OCA2: variants seen among roughly 807,000 people sequenced by gnomAD.
OCA2 encodes the protein P protein.
A neutral mutation model predicts 100.2 loss-of-function variants in OCA2; 77 were observed. That is an observed-to-expected ratio of 0.77 (90% CI 0.64 to 0.93). The LOEUF (loss-of-function observed/expected upper bound fraction) is 0.93. Among genes scored for constraint, OCA2 ranks in the 40% least tolerant of loss-of-function variants. The pLI, the probability that OCA2 is intolerant of heterozygous loss-of-function variation, is 0.00. For missense variants in OCA2, 1,062 were observed against 1,089.1 expected (o/e 0.98, Z 0.35); for synonymous variants, 432 against 439.2 (o/e 0.98, Z 0.21).
chr15:27,788,095 A>G (rs2032903807), intron 23 of OCA2, among the ~76,000 whole-genome samples: 1 of 152,056 alleles, frequency 6.6e-6, no homozygotes, highest in Non-Finnish European at 1.5e-5. Context: ...CATACTTTGT[A>G]TAATTTCAGT....
At chr15:27,819,696 T>G (rs2034432761) in intron 23 of OCA2, among the ~76,000 whole-genome samples, 1 of 149,320 alleles carries the variant, frequency 6.7e-6, no homozygotes, top group Admixed American at 6.8e-5. Context: ...TTAGAACTAT[T>G]CATAGACCAA....
At chr15:27,798,762 T>C (rs1279951855) in intron 23 of OCA2, among the ~76,000 whole-genome samples, 1 of 152,244 alleles carries the variant, frequency 6.6e-6, no homozygotes, top group Non-Finnish European at 1.5e-5. Context: ...GATTCCAACA[T>C]TCAAAATAAC....
chr15:27,860,282 A>G (rs2036084040), intron 21 of OCA2, among the ~76,000 whole-genome samples: 1 of 152,198 alleles, frequency 6.6e-6, no homozygotes, highest in Non-Finnish European at 1.5e-5. Context: ...AAAGCATACA[A>G]AAGTGCAAAA....
chr15:27,920,961 T>C (rs1478968045), intron 19 of OCA2, among the ~76,000 whole-genome samples: 1 of 151,844 alleles, frequency 6.6e-6, no homozygotes, highest in African/African-American at 2.4e-5. Context: ...AACCAACATG[T>C]CTGTAATAGG....
chr15:28,024,812 C>T (rs761505379), intron 5 of OCA2, 33 bp downstream of exon 5: 2 of 1,613,292 alleles, frequency 1.2e-6, no homozygotes, highest in Admixed American at 1.7e-5. Flanking sequence ...TCCACGGACC[C>T]AACAGTAGTG....
At chr15:28,008,489 C>T (rs1213661921) in intron 9 of OCA2, among the ~76,000 whole-genome samples, 1 of 152,118 alleles carries the variant, frequency 6.6e-6, no homozygotes, top group African/African-American at 2.4e-5. Flanking sequence ...CTGCCTTTGC[C>T]TCTTTTAAAA....
chr15:28,088,659 CT>C (rs1438086910), intron 1 of OCA2, among the ~76,000 whole-genome samples: 2 of 152,282 alleles, frequency 1.3e-5, no homozygotes, highest in African/African-American at 4.8e-5. Flanking sequence ...GTGATGCCCC[CT>C]GAGCCGTAAA....
At chr15:28,003,517 G>A (rs1464927338) in intron 9 of OCA2, among the ~76,000 whole-genome samples, 1 of 152,212 alleles carries the variant, frequency 6.6e-6, no homozygotes, top group East Asian at 1.9e-4. Flanking sequence ...TTTTGTGGGT[G>A]AGGGGAGTAA....
chr15:27,762,336 C>CG (rs2030906602), intron 23 of OCA2, among the ~76,000 whole-genome samples: 1 of 152,158 alleles, frequency 6.6e-6, no homozygotes, highest in Non-Finnish European at 1.5e-5. Flanking sequence ...TCTGAAGAAA[C>CG]TGAGATAAGC....
the OCA2 span, among the ~76,000 whole-genome samples, chr15:27,728,346 A>G: frequency 6.6e-6 from 1 of 152,212 alleles, no homozygotes; most frequent in African/African-American, 2.4e-5. Context: ...GAGGCAAGAA[A>G]AAAAAATCCT....
intron 19 of OCA2, among the ~76,000 whole-genome samples, chr15:27,912,573 C>A (rs1321130612): frequency 6.6e-6 from 1 of 152,042 alleles, no homozygotes; most frequent in Non-Finnish European, 1.5e-5. Flanking sequence ...CATCCATGAA[C>A]TTTTACAAAT....
chr15:27,950,950 G>C (rs2040005325), intron 18 of OCA2, among the ~76,000 whole-genome samples: 1 of 152,112 alleles, frequency 6.6e-6, no homozygotes, highest in South Asian at 2.1e-4. Flanking sequence ...GAAAACTATG[G>C]GTAAAGCTTT....
intron 9 of OCA2, among the ~76,000 whole-genome samples, chr15:28,006,935 T>C (rs1489204164): frequency 6.6e-6 from 1 of 152,214 alleles, no homozygotes; most frequent in East Asian, 1.9e-4. Flanking sequence ...AAATTAAAAA[T>C]GGAAACTCCC....
intron 9 of OCA2, among the ~76,000 whole-genome samples, chr15:28,003,652 G>A (rs1294189817): frequency 6.7e-6 from 1 of 150,278 alleles, no homozygotes; most frequent in East Asian, 1.9e-4. Context: ...GCAGGGCAGT[G>A]TGCCCCCCGA....
At chr15:27,954,468 T>C (rs1355500966) in intron 17 of OCA2, among the ~76,000 whole-genome samples, 1 of 152,194 alleles carries the variant, frequency 6.6e-6, no homozygotes, top group African/African-American at 2.4e-5. Context: ...ACGATAGATG[T>C]GAGGTGTTCT....
chr15:28,060,891 A>G lies in OCA2; in HGVS notation c.227+20757T>C, dbSNP rs117688342. On this transcript the variant is annotated intron_variant, in intron 2 of 23. Coordinates refer to ENST00000354638, the MANE Select transcript of OCA2 (RefSeq NM_000275.3). ...GGAGCTGTCTGGCAGTACCTTGACT[A>G]CCCCTCTCACAGGTACCATCTGTAT... is the stretch of plus-strand genomic sequence containing the variant. Among the ~76,000 whole-genome samples, 933 of 152,092 alleles carry G rather than the reference A, an allele frequency of 6.1e-3. 2 individuals carry two copies. The highest frequency in any genetic ancestry group is 0.027 in the Middle Eastern group (8 of 294).
intron 23 of OCA2, among the ~76,000 whole-genome samples, chr15:27,815,154 A>C (rs1028945803): frequency 6.6e-6 from 1 of 152,164 alleles, no homozygotes; most frequent in Non-Finnish European, 1.5e-5. Flanking sequence ...ATTGGAGGAC[A>C]TGATTTTAAC....
chr15:28,030,437 G>A (rs1293064527), intron 3 of OCA2, among the ~76,000 whole-genome samples: 1 of 152,230 alleles, frequency 6.6e-6, no homozygotes, highest in Non-Finnish European at 1.5e-5. Context: ...CTTGACAGGA[G>A]TAGGACTGAC....
At chr15:27,796,442 G>T (rs2033338223) in intron 23 of OCA2, among the ~76,000 whole-genome samples, 1 of 152,242 alleles carries the variant, frequency 6.6e-6, no homozygotes, top group African/African-American at 2.4e-5. Context: ...AGCACGTGCT[G>T]GGCACTCAGC....
Sources: gnomAD v4.1 joint callset for allele counts (sites outside exome capture counted in the v4.1 genomes callset) on GRCh38, gnomAD v4.1.1 for gene constraint, MANE v1.5 for transcripts, NCBI Gene and HGNC (gene_info 2026-07-23, HGNC 2026-07-21) for gene names.